The following ZEB1 variants were observed in gnomAD, a reference collection of about 807,000 sequenced individuals.
ZEB1 encodes zinc finger E-box-binding homeobox 1.
In ZEB1, 21 loss-of-function variants were observed where a neutral mutation model predicts 84.9. The observed-to-expected ratio is 0.25, with a 90% CI of 0.18 to 0.36. The LOEUF (loss-of-function observed/expected upper bound fraction) is 0.36, where lower values mean the gene tolerates loss of function less well. ZEB1 is among the 10% of genes least tolerant of loss of function. The pLI, the probability that ZEB1 is intolerant of heterozygous loss-of-function variation, is 1.00. For missense variants in ZEB1, 1,104 were observed against 1,330.2 expected, an observed-to-expected ratio of 0.83 and a Z score of 2.65; for synonymous variants, 420 against 471.1, an observed-to-expected ratio of 0.89 and a Z score of 1.41.
intron 1 of ZEB1, among the ~76,000 whole-genome samples, chr10:31,437,544 A>C (rs747627845): frequency 1.3e-5 from 2 of 152,202 alleles, no homozygotes; most frequent in Non-Finnish European, 2.9e-5. Context: ...TTTCCAATGA[A>C]GGAGTAGAAA....
intron 1 of ZEB1, among the ~76,000 whole-genome samples, chr10:31,444,908 G>C (rs936674296): frequency 6.6e-6 from 1 of 152,004 alleles, no homozygotes; most frequent in African/African-American, 2.4e-5. Flanking sequence ...TTCTTTTTTG[G>C]TTCCATATGA....
chr10:31,413,538 A>C (rs1436838441), intron 1 of ZEB1, among the ~76,000 whole-genome samples: 2 of 152,232 alleles, frequency 1.3e-5, no homozygotes, highest in Non-Finnish European at 2.9e-5. Flanking sequence ...AGCAAAACCT[A>C]TTGGACAAAG....
At chr10:31,432,394 G>A (rs1383668860) in intron 1 of ZEB1, among the ~76,000 whole-genome samples, 1 of 152,162 alleles carries the variant, frequency 6.6e-6, no homozygotes, top group Non-Finnish European at 1.5e-5. Flanking sequence ...TTTGAGACTA[G>A]CCTTGGCAAT....
At chr10:31,458,336 TTGTGTGTG>T (rs770656843) in intron 1 of ZEB1, among the ~76,000 whole-genome samples, 1 of 102,262 alleles carries the variant, frequency 9.8e-6, no homozygotes, top group African/African-American at 8.4e-5. Context: ...TGTGTGTGTG[TTGTGTGTG>T]TGTGTGTGTG....
chr10:31,448,993 C>A (rs370631955), intron 1 of ZEB1, among the ~76,000 whole-genome samples: 1 of 152,244 alleles, frequency 6.6e-6, no homozygotes. Context: ...TGGGCAATGG[C>A]GGGCGCCCCT....
intron 2 of ZEB1, 94 bp downstream of exon 2, chr10:31,461,331 A>G: frequency 7.5e-7 from 1 of 1,336,420 alleles, no homozygotes; most frequent in Non-Finnish European, 1.0e-6. Flanking sequence ...AAAAGTTTGA[A>G]ATCAATAGTA....
chr10:31,499,704 G>A (rs1018304945), intron 3 of ZEB1, among the ~76,000 whole-genome samples: 2 of 151,996 alleles, frequency 1.3e-5, no homozygotes, highest in Admixed American at 6.6e-5. Flanking sequence ...GGTGGAGGTT[G>A]CAGTGAGCCA....
intron 1 of ZEB1, among the ~76,000 whole-genome samples, chr10:31,383,033 C>A (rs921766517): frequency 4.6e-5 from 7 of 151,570 alleles, no homozygotes; most frequent in Non-Finnish European, 8.8e-5. Flanking sequence ...CTGAGAGTCA[C>A]AATAATGTTT....
intron 1 of ZEB1, among the ~76,000 whole-genome samples, chr10:31,404,003 G>A (rs375592880): frequency 7.2e-5 from 11 of 152,022 alleles, no homozygotes; most frequent in Non-Finnish European, 1.3e-4. Context: ...AACTATGTAC[G>A]TGTTGACTAT....
chr10:31,364,496 C>A (rs115472950), intron 1 of ZEB1, among the ~76,000 whole-genome samples: 1 of 152,196 alleles, frequency 6.6e-6, no homozygotes, highest in Non-Finnish European at 1.5e-5. Flanking sequence ...CCAGCCAGAT[C>A]GCGCCAGGCT....
chr10:31,346,628 T>C (rs921177745), intron 1 of ZEB1, among the ~76,000 whole-genome samples: 2 of 152,066 alleles, frequency 1.3e-5, no homozygotes, highest in African/African-American at 4.8e-5. Flanking sequence ...TCTTGATAAG[T>C]CAAGAGCAGA....
In ZEB1 at chr10:31,461,150, G is replaced by C; in HGVS notation, c.172G>C (p.Glu58Gln). 1.9e-6 allele frequency: 3 copies of C among 1,613,588 alleles called. No individual in the cohort carries two copies. The highest frequency in any genetic ancestry group is 2.5e-6 in the Non-Finnish European group (3 of 1,179,728). The stretch of plus-strand genomic sequence containing the variant: ...TGCAGCTGACTGTGAAGGTGTACCA[G>C]AGGATGACCTGCCAACAGACCAGAC... ...TDAADCEGVP[E>Q]DDLPTDQTVL... The change falls in exon 2 of 9, where the codon GAG (glutamate) becomes CAG (glutamine). Residue 58 changes from glutamate (E) to glutamine (Q), a missense_variant. By Grantham distance (29) the Glu-to-Gln change is conservative. Around this residue, in one of 7 missense-constraint regions of ZEB1, gnomAD observed 162 missense variants for 184.5 expected, o/e 0.88. Coordinates refer to ENST00000424869, the MANE Select transcript of ZEB1 (RefSeq NM_001174096.2).
At chr10:31,480,322 T>C (rs1352341945) in intron 2 of ZEB1, among the ~76,000 whole-genome samples, 1 of 152,050 alleles carries the variant, frequency 6.6e-6, no homozygotes, top group African/African-American at 2.4e-5. Context: ...GCATAAATTA[T>C]AATAAAATAC....
At chr10:31,399,076 C>T (rs549797075) in intron 1 of ZEB1, among the ~76,000 whole-genome samples, 1 of 151,020 alleles carries the variant, frequency 6.6e-6, no homozygotes, top group East Asian at 2.0e-4. Context: ...CTCACTGTGA[C>T]CTCCTCCTCC....
At chr10:31,363,781 C>G (rs1331601147) in intron 1 of ZEB1, 1 of 1,312,640 alleles carries the variant, frequency 7.6e-7, no homozygotes, top group African/African-American at 1.5e-5. Flanking sequence ...ACGCAGGACC[C>G]TCTGTGGGGT....
chr10:31,357,637 C>A (rs565482727), intron 1 of ZEB1, among the ~76,000 whole-genome samples: 90 of 151,870 alleles, frequency 5.9e-4, no homozygotes, highest in Non-Finnish European at 1.2e-3. Flanking sequence ...TTTTTTAAAG[C>A]TAGGAATGGG....
At chr10:31,402,110 CTGTTGTTGTTGT>C (rs541378977) in intron 1 of ZEB1, among the ~76,000 whole-genome samples, 2 of 150,920 alleles carry the variant, frequency 1.3e-5, no homozygotes, top group African/African-American at 2.4e-5. Context: ...GTTGTTGTTG[CTGTTGTTGTTGT>C]TGTTGTTGTT....
intron 1 of ZEB1, among the ~76,000 whole-genome samples, chr10:31,325,133 A>G (rs2035179652): frequency 6.6e-6 from 1 of 152,084 alleles, no homozygotes; most frequent in Non-Finnish European, 1.5e-5. Flanking sequence ...AAAGATGGCA[A>G]TATAATACAG....
intron 2 of ZEB1, among the ~76,000 whole-genome samples, chr10:31,476,389 A>G (rs1323050613): frequency 1.3e-5 from 2 of 152,072 alleles, no homozygotes; most frequent in African/African-American, 4.8e-5. Context: ...GGAACACACA[A>G]CTTCCTGAGA....
Sources: gnomAD v4.1 joint callset for allele counts (sites outside exome capture counted in the v4.1 genomes callset) on GRCh38, gnomAD v4.1.1 for gene constraint, gnomAD v4.1.1 regional missense constraint, MANE v1.5 for transcripts, NCBI Gene and HGNC (gene_info 2026-07-23, HGNC 2026-07-21) for gene names.